The following AACS variants were observed in gnomAD, a reference collection of about 807,000 sequenced individuals.
The protein encoded by AACS is acetoacetate-CoA ligase.
AACS carries 69 observed loss-of-function variants against 83.1 expected under a neutral mutation model. That is an observed-to-expected ratio of 0.83 (90% CI 0.68 to 1.01). The LOEUF (loss-of-function observed/expected upper bound fraction) is 1.01. Ranked by LOEUF, AACS falls within the 50% of genes least tolerant of loss-of-function variation. The pLI, the probability that AACS is intolerant of heterozygous loss-of-function variation, is 0.00. For missense variants in AACS, 866 were observed against 882.2 expected, an observed-to-expected ratio of 0.98 and a Z score of 0.23; for synonymous variants, 333 against 343.4, an observed-to-expected ratio of 0.97 and a Z score of 0.33.
intron 3 of AACS, among the ~76,000 whole-genome samples, chr12:125,082,217 A>T (rs1249128096): frequency 7.1e-6 from 1 of 140,298 alleles, no homozygotes; most frequent in Non-Finnish European, 1.5e-5. Context: ...TGTTGCCCAG[A>T]TTGGAGTGCA....
intron 17 of AACS, 126 bp downstream of exon 17, chr12:125,136,990 C>CGTG: frequency 2.2e-6 from 2 of 910,130 alleles, no homozygotes; most frequent in Middle Eastern, 2.8e-4. Flanking sequence ...TGCCTAGCAA[C>CGTG]GCCATCCTCT....
chr12:125,068,164 T>G (rs1333948978), intron 1 of AACS, among the ~76,000 whole-genome samples: 1 of 152,048 alleles, frequency 6.6e-6, no homozygotes, highest in Non-Finnish European at 1.5e-5. Context: ...CATTTAAAAG[T>G]TAGGAGAGGG....
chr12:125,114,849 A>G (rs1205203583), intron 9 of AACS, among the ~76,000 whole-genome samples: 1 of 149,706 alleles, frequency 6.7e-6, no homozygotes, highest in Non-Finnish European at 1.5e-5. Flanking sequence ...CCCGTGGCAC[A>G]TGGTAAGGGC....
At chr12:125,124,467 G>A (rs1957210827) in intron 10 of AACS, 8 of 556,470 alleles carry the variant, frequency 1.4e-5, no homozygotes, top group South Asian at 7.0e-5. Context: ...GTGACGCCTC[G>A]TGGTAAAGGG....
chr12:125,099,888 C>T (rs1956680788), intron 5 of AACS, among the ~76,000 whole-genome samples: 1 of 152,172 alleles, frequency 6.6e-6, no homozygotes, highest in South Asian at 2.1e-4. Flanking sequence ...TTTGGTTAGG[C>T]TGGTCTCAAA....
chr12:125,077,037 A>G (rs1171975763), intron 3 of AACS, among the ~76,000 whole-genome samples: 5 of 149,746 alleles, frequency 3.3e-5, no homozygotes, highest in African/African-American at 1.2e-4. Context: ...CTTCCTGAGT[A>G]GCTGGGACTA....
intron 9 of AACS, 109 bp downstream of exon 9, chr12:125,114,666 ATGGTAAGGG>A (rs1371034140): frequency 1.1e-5 from 9 of 805,810 alleles, no homozygotes; most frequent in African/African-American, 5.1e-5. Context: ...CCCGTGGCAC[ATGGTAAGGG>A]CTTCCCCAGG....
chr12:125,107,450 G>A (rs1956860385), intron 8 of AACS, among the ~76,000 whole-genome samples, 182 bp downstream of exon 8: 1 of 152,236 alleles, frequency 6.6e-6, no homozygotes, highest in South Asian at 2.1e-4. Context: ...CAGGGCAGTG[G>A]AGTGCTGCCA....
intron 1 of AACS, among the ~76,000 whole-genome samples, chr12:125,073,552 A>T (rs1417418681): frequency 6.6e-6 from 1 of 152,180 alleles, no homozygotes; most frequent in Admixed American, 6.5e-5. Context: ...CACTTGCCTG[A>T]GGTCACAAAG....
chr12:125,114,453 C>G, intron 8 of AACS, 24 bp from the exon 9 acceptor site: 1 of 1,607,736 alleles, frequency 6.2e-7, no homozygotes, highest in Non-Finnish European at 8.5e-7. Context: ...AGAGAGCACC[C>G]GCTCCCCCGT....
chr12:125,118,856 C>A, intron 10 of AACS, 91 bp downstream of exon 10: 1 of 1,529,880 alleles, frequency 6.5e-7, no homozygotes, highest in East Asian at 2.4e-5. Flanking sequence ...CTGCCTTCTA[C>A]CGTGGTCGGG....
At chr12:125,109,940 G>A (rs1379913028) in intron 8 of AACS, among the ~76,000 whole-genome samples, 1 of 152,036 alleles carries the variant, frequency 6.6e-6, no homozygotes, top group Non-Finnish European at 1.5e-5. Flanking sequence ...CTATCGGGGG[G>A]ATACAACGTT....
chr12:125,092,124 G>A lies in AACS; in HGVS notation c.570+601G>A, dbSNP rs1956499537. ...CTATAGGTCTTTCCACGGGGCAAAT[G>A]AAGCAGCCGCAGAGCGGGTCTTCCT... is the stretch of plus-strand genomic sequence containing the variant. On this transcript the variant is annotated intron_variant, in intron 5 of 17. Coordinates refer to ENST00000316519, the MANE Select transcript of AACS (RefSeq NM_023928.5). Among the ~76,000 whole-genome samples, 2 of 152,150 alleles carry A rather than the reference G, an allele frequency of 1.3e-5. 1 individual carries two copies. Among genetic ancestry groups the A allele is most frequent in the African/African-American group, 4.8e-5 (2 of 41,450 alleles).
At chr12:125,078,070 C>G in intron 3 of AACS, 1 of 448,458 alleles carries the variant, frequency 2.2e-6, no homozygotes, top group Non-Finnish European at 4.5e-6. Flanking sequence ...ATAAAATACT[C>G]ATCAGAAACT....
chr12:125,075,601 T>C (rs1956003243), intron 2 of AACS, among the ~76,000 whole-genome samples: 1 of 149,868 alleles, frequency 6.7e-6, no homozygotes, highest in Non-Finnish European at 1.5e-5. Context: ...TGGAGTTTTT[T>C]TTTTTTTTTT....
intron 3 of AACS, among the ~76,000 whole-genome samples, chr12:125,083,646 G>A (rs929751021): frequency 6.6e-6 from 1 of 151,892 alleles, no homozygotes; most frequent in Non-Finnish European, 1.5e-5. Context: ...TAAAAGAAGT[G>A]AATTTTTTTG....
intron 3 of AACS, among the ~76,000 whole-genome samples, chr12:125,079,019 G>A (rs1404212633): frequency 6.6e-6 from 1 of 152,248 alleles, no homozygotes; most frequent in East Asian, 1.9e-4. Flanking sequence ...AGGGCTGCCA[G>A]GGAAAGCCTG....
At chr12:125,110,756 A>G (rs921888929) in intron 8 of AACS, among the ~76,000 whole-genome samples, 16 of 152,172 alleles carry the variant, frequency 1.1e-4, no homozygotes, top group Non-Finnish European at 2.4e-4. Flanking sequence ...GGAAATATAC[A>G]AGTTCCCTTA....
intron 3 of AACS, among the ~76,000 whole-genome samples, chr12:125,080,441 G>T (rs975099291): frequency 3.3e-5 from 5 of 151,752 alleles, no homozygotes; most frequent in African/African-American, 1.2e-4. Flanking sequence ...TAATACGGGT[G>T]TCTGGGTGGA....
Sources: gnomAD v4.1 joint callset for allele counts (sites outside exome capture counted in the v4.1 genomes callset) on GRCh38, gnomAD v4.1.1 for gene constraint, MANE v1.5 for transcripts, NCBI Gene and HGNC (gene_info 2026-07-23, HGNC 2026-07-21) for gene names.